Variants in RTTN observed in about 807,000 individuals in gnomAD.
RTTN encodes rotatin.
A neutral mutation model predicts 269.2 loss-of-function variants in RTTN; 182 were observed. That is an observed-to-expected ratio of 0.68 (90% CI 0.60 to 0.76). The LOEUF (loss-of-function observed/expected upper bound fraction) is 0.76, where lower values mean the gene tolerates loss of function less well. Among genes scored for constraint, RTTN ranks in the 30% least tolerant of loss-of-function variants. RTTN has a pLI of 0.00. For missense variants in RTTN, 2,545 were observed against 2,608.6 expected (o/e 0.98, Z 0.53); for synonymous variants, 1,006 against 963.5 (o/e 1.04, Z -0.82).
intron 47 of RTTN, 68 bp downstream of exon 47, chr18:70,006,313 A>G: frequency 9.2e-7 from 1 of 1,087,948 alleles, no homozygotes; most frequent in Non-Finnish European, 1.4e-6. Context: ...GATGTATCCT[A>G]AGAGTTTATA....
intron 10 of RTTN, among the ~76,000 whole-genome samples, chr18:70,180,374 G>T (rs902735269): frequency 4.6e-5 from 7 of 151,928 alleles, no homozygotes; most frequent in African/African-American, 7.3e-5. Flanking sequence ...TTGAGCCCAG[G>T]AGTTTGAGAC....
chr18:70,022,537 G>C (rs1273570603), intron 44 of RTTN, among the ~76,000 whole-genome samples: 2 of 152,096 alleles, frequency 1.3e-5, no homozygotes, highest in African/African-American at 4.8e-5. Flanking sequence ...TCTTGCTGTT[G>C]CTCCATTTCT....
At position 70,075,481 on chromosome 18, in the gene RTTN, C is replaced by A. The variant is rs760952296; in HGVS notation, c.4435G>T (p.Ala1479Ser). 3.1e-6 allele frequency: 5 copies of A among 1,604,478 alleles called. No homozygotes were observed. Among genetic ancestry groups the A allele is most frequent in the Non-Finnish European group, 4.3e-6 (5 of 1,176,080 alleles). ...LSLIGKPALQALLYHCHFYEH... is the reference protein window; with the variant it reads ...LSLIGKPALQSLLYHCHFYEH... ...TAAAAATGGCAGTGATATAAAAGAG[C>A]CTGAAGGGCAGGTTTTCCAATGAGC... The change falls in exon 33 of 49, where the codon GCT becomes TCT. Residue 1479 changes from alanine (A) to serine (S), a missense_variant. Transcript: ENST00000640769.
rs1568244546 is a variant in RTTN at position 70,017,494 on chromosome 18, T to C, written c.6334A>G (p.Lys2112Glu). ...GGCAATAAAGGGCTGCTCTTGTGCT[T>C]GTATTTGCTCATCTCTGTTAGTAAG... Reference protein sequence around the residue: ...LDLLTEMSKYKHKSSPLLPLL... With the variant: ...LDLLTEMSKYEHKSSPLLPLL... Residue 2112 changes from lysine (K) to glutamate (E), a missense_variant, in exon 46 of 49, where the codon AAG becomes GAG. By Grantham distance (56) the Lys-to-Glu change is moderately conservative (BLOSUM62 1). Coordinates refer to ENST00000640769, the MANE Select transcript of RTTN (RefSeq NM_173630.4). 6.2e-7 allele frequency: 1 copy of C among 1,614,054 alleles called. No individual in the cohort carries two copies. Among genetic ancestry groups the C allele is most frequent in the East Asian group, 2.2e-5 (1 of 44,862 alleles).
At position 70,017,680 on chromosome 18, in the gene RTTN, G is replaced by T. The variant is rs775526912; in HGVS notation, c.6154-6C>A. 1 of 1,596,956 alleles carries T rather than the reference G, an allele frequency of 6.3e-7. No individual in the cohort carries two copies. Among genetic ancestry groups the T allele is most frequent in the South Asian group, 1.1e-5 (1 of 88,016 alleles). ...AAGTTCTGTAAGAAGTTACTCTGTG[G>T]ATAAATAGAGAGAATATTATTTTCT... On this transcript the variant is annotated splice_polypyrimidine_tract_variant and splice_region_variant and intron_variant, in intron 45 of 48. Transcript: ENST00000640769.
rs565018964 is a variant in RTTN at position 70,141,198 on chromosome 18, C to A, written c.2582-1010G>T. ...GTGGAATATGTTTTTTCAAATAACTCTCTCATTCCAGTTTCCACTAATGTC... is the reference window on the plus strand; with the variant it reads ...GTGGAATATGTTTTTTCAAATAACTATCTCATTCCAGTTTCCACTAATGTC... On this transcript the variant is annotated intron_variant, in intron 19 of 48. Coordinates refer to ENST00000640769, the MANE Select transcript of RTTN (RefSeq NM_173630.4). 5.6e-4 allele frequency among the ~76,000 whole-genome samples: 85 copies of A among 152,144 alleles called. 2 individuals are homozygous for A. In the South Asian group the frequency reaches 0.017, roughly 31 times the overall value.
At chr18:70,067,626 C>T (rs1473017150) in intron 34 of RTTN, among the ~76,000 whole-genome samples, 3 of 152,188 alleles carry the variant, frequency 2.0e-5, no homozygotes, top group Non-Finnish European at 2.9e-5. Context: ...ATATCTGGCT[C>T]CTGCCACAAC....
intron 40 of RTTN, among the ~76,000 whole-genome samples, chr18:70,035,795 T>C (rs1012514045): frequency 5.3e-5 from 8 of 152,104 alleles, no homozygotes; most frequent in African/African-American, 1.7e-4. Context: ...GGAGAAAATA[T>C]CTGCAAACTA....
At chr18:70,107,599 T>A (rs1338854143) in intron 28 of RTTN, among the ~76,000 whole-genome samples, 2 of 152,130 alleles carry the variant, frequency 1.3e-5, no homozygotes, top group Admixed American at 1.3e-4. Flanking sequence ...GAAAGACTTT[T>A]AAAAAAATCA....
chr18:70,165,694 T>C (rs2060966198), intron 14 of RTTN, among the ~76,000 whole-genome samples: 1 of 151,502 alleles, frequency 6.6e-6, no homozygotes, highest in Admixed American at 6.6e-5. Flanking sequence ...AAATAAAAAA[T>C]AACATTAAAA....
chr18:70,059,636 A>G (rs532077635), intron 36 of RTTN, among the ~76,000 whole-genome samples: 1 of 152,324 alleles, frequency 6.6e-6, no homozygotes, highest in Admixed American at 6.5e-5. Flanking sequence ...TGGCCTTAAT[A>G]GTCAAGATAA....
chr18:70,139,470 AGTAGT>A (rs2060203176), intron 21 of RTTN, 124 bp downstream of exon 21: 3 of 608,608 alleles, frequency 4.9e-6, no homozygotes, highest in Non-Finnish European at 5.8e-6. Context: ...CATTTACATT[AGTAGT>A]GTATTCACTA....
chr18:70,114,340 G>T (rs566070997), intron 27 of RTTN, 105 bp downstream of exon 27: 4 of 1,045,352 alleles, frequency 3.8e-6, no homozygotes, highest in African/African-American at 1.6e-5. Context: ...GTATTTGAAA[G>T]AAGTATTTCT....
chr18:70,184,701 A>T (rs1396531903), intron 10 of RTTN, among the ~76,000 whole-genome samples: 5 of 21,130 alleles, frequency 2.4e-4, no homozygotes, highest in East Asian at 2.7e-3. Context: ...AAACCACAGC[A>T]GGTTTTTTTT....
In RTTN at chr18:70,168,720, T is replaced by C; in HGVS notation, c.1689+135A>G. The C allele has an allele frequency of 4.7e-6, 3 of 635,590 alleles. No individual in the cohort carries two copies. The South Asian group carries it at 6.7e-5, about 14-fold the overall frequency. 39.4% of individuals were successfully genotyped at this position (635,590 alleles called of 1,614,324 possible). A position where few individuals can be genotyped will look rare whatever the true frequency, so the allele number is the denominator to read the frequency against. ...TTAACCTGTTAAATAACAGGTTATG[T>C]ATAATTGACCCACTCAGGAATAATG... On this transcript the variant is annotated intron_variant, in intron 12 of 48. Coordinates refer to ENST00000640769, the MANE Select transcript of RTTN (RefSeq NM_173630.4).
At chr18:70,170,125 T>C (rs1197659795) in intron 11 of RTTN, among the ~76,000 whole-genome samples, 4 of 152,312 alleles carry the variant, frequency 2.6e-5, no homozygotes, top group African/African-American at 9.6e-5. Context: ...TGAAGAACTT[T>C]CCTTTTTTTT....
chr18:70,134,433 A>G, intron 23 of RTTN, 40 bp downstream of exon 23: 1 of 1,399,510 alleles, frequency 7.1e-7, no homozygotes, highest in Non-Finnish European at 1.0e-6. Context: ...CTGTAACAAC[A>G]TTTCGTCCTT....
intron 34 of RTTN, among the ~76,000 whole-genome samples, chr18:70,066,997 T>G (rs1241361874): frequency 6.6e-6 from 1 of 152,134 alleles, no homozygotes; most frequent in East Asian, 1.9e-4. Flanking sequence ...TGCCAAGAAA[T>G]AAGTGAGAAA....
intron 40 of RTTN, among the ~76,000 whole-genome samples, chr18:70,042,883 C>T (rs186852539): frequency 1.1e-3 from 167 of 152,226 alleles, no homozygotes; most frequent in Non-Finnish European, 1.9e-3. Context: ...AGAGACGCTA[C>T]GCAAAAATGA....
Sources: allele counts gnomAD v4.1 joint callset (sites outside exome capture counted in the v4.1 genomes callset), GRCh38; gene constraint gnomAD v4.1.1; transcripts MANE v1.5; gene names NCBI Gene and HGNC (gene_info 2026-07-23, HGNC 2026-07-21).